Variants in NR5A2 observed in about 807,000 individuals in gnomAD.
The protein encoded by NR5A2 is nuclear receptor subfamily 5 group A member 2.
A neutral mutation model predicts 62.7 loss-of-function variants in NR5A2; 26 were observed. The ratio of observed to expected loss-of-function variants is 0.41; its 90% CI spans 0.30 to 0.58. The LOEUF is 0.58. NR5A2 is among the 20% of genes least tolerant of loss of function. The pLI is 0.22. For synonymous variants in NR5A2, 246 were observed against 241.7 expected (o/e 1.02, Z -0.16); for missense variants, 541 against 669.1 (o/e 0.81, Z 2.11).
rs1431508723 is a variant in NR5A2, at chr1:200,142,183, GACT to G, written c.1378+21229_1378+21231del. On this transcript the variant is annotated intron_variant, in intron 7 of 7. Transcript: ENST00000367362. Reference sequence around the variant, plus strand: ...TTGAATAATTGTTTTTTGTTTTAAAGACTTCTTTTTTTTTTTTTTTTTTTTTTT... The same window carrying G: ...TTGAATAATTGTTTTTTGTTTTAAAGTCTTTTTTTTTTTTTTTTTTTTTTT... Among the ~76,000 whole-genome samples the G allele has an allele frequency of 1.8e-3, 202 of 109,760 alleles. 1 individual carries two copies. Among genetic ancestry groups the G allele is most frequent in the African/African-American group, 5.4e-3 (171 of 31,380 alleles). 72.0% of individuals were successfully genotyped at this position (109,760 alleles called of 152,430 possible).
intron 7 of NR5A2, among the ~76,000 whole-genome samples, chr1:200,139,041 T>G (rs563367878): frequency 6.6e-6 from 1 of 152,336 alleles, no homozygotes; most frequent in South Asian, 2.1e-4. Flanking sequence ...TTCATGAACA[T>G]AGTTCATCTT....
At chr1:200,106,628 T>C (rs1233979109) in intron 5 of NR5A2, among the ~76,000 whole-genome samples, 1 of 152,204 alleles carries the variant, frequency 6.6e-6, no homozygotes, top group Non-Finnish European at 1.5e-5. Context: ...TCTTTGGTCT[T>C]CTTCCCAGAA....
At chr1:200,138,095 G>A (rs1571540945) in intron 7 of NR5A2, among the ~76,000 whole-genome samples, 1 of 152,016 alleles carries the variant, frequency 6.6e-6, no homozygotes, top group Non-Finnish European at 1.5e-5. Context: ...ATGGTATTTC[G>A]TTATATAATG....
chr1:200,108,479 A>C (rs1046155500), intron 5 of NR5A2, among the ~76,000 whole-genome samples: 1 of 152,128 alleles, frequency 6.6e-6, no homozygotes, highest in African/African-American at 2.4e-5. Context: ...GGGAATAATA[A>C]ATTTTCTTGT....
At position 200,039,568 on chromosome 1, in the gene NR5A2, T is replaced by C; in HGVS notation, c.65-90T>C. ...CAGCCCCGAGGAGGCGGAGGCACGC[T>C]CCGGCGAGGCGAGAGGGTTGGGTTA... On this transcript the variant is annotated intron_variant, in intron 1 of 7. Coordinates refer to ENST00000367362, the MANE Select transcript of NR5A2 (RefSeq NM_205860.3). This position sits in a 1 kb window ranked among gnomAD's most constrained non-coding sequence, Gnocchi z 5.1. The C allele has an allele frequency of 6.3e-7, 1 of 1,577,558 alleles. No homozygotes were observed. Among genetic ancestry groups the C allele is most frequent in the South Asian group, 1.1e-5 (1 of 88,544 alleles).
rs1477708339 is a variant in NR5A2 at position 200,177,104 on chromosome 1, T to C, written c.*2894T>C. The C allele has an allele frequency of 6.6e-6, 1 of 152,482 alleles. No homozygotes were observed. Among genetic ancestry groups the C allele is most frequent in the African/African-American group, 2.4e-5 (1 of 41,466 alleles). 9.4% of individuals were successfully genotyped at this position (152,482 alleles called of 1,614,324 possible). A position where few individuals can be genotyped will look rare whatever the true frequency, so the allele number is the denominator to read the frequency against. ...CCTGGCATTTACTTAGCAACTGCCTTATCAATTACAGGATTTGCCGGTAAA... is the reference window on the plus strand; with the variant it reads ...CCTGGCATTTACTTAGCAACTGCCTCATCAATTACAGGATTTGCCGGTAAA... On this transcript the variant is annotated 3_prime_UTR_variant, in exon 8 of 8. Coordinates refer to ENST00000367362, the MANE Select transcript of NR5A2 (RefSeq NM_205860.3).
chr1:200,095,552 A>C (rs1665048418), intron 5 of NR5A2, among the ~76,000 whole-genome samples: 1 of 151,840 alleles, frequency 6.6e-6, no homozygotes, highest in African/African-American at 2.4e-5. Flanking sequence ...ACCATCACCA[A>C]GTAATATATT....
In NR5A2 at chr1:200,147,572, TCTC is replaced by T. The variant is rs1018973141; in HGVS notation, c.1379-26387_1379-26385del. The T allele has an allele frequency of 5.7e-6, 4 of 705,328 alleles. No individual in the cohort carries two copies. Among genetic ancestry groups the T allele is most frequent in the South Asian group, 1.3e-5 (1 of 74,276 alleles). 43.7% of individuals were successfully genotyped at this position (705,328 alleles called of 1,614,324 possible). A position where few individuals can be genotyped will look rare whatever the true frequency, so the allele number is the denominator to read the frequency against. ...TTCTCCATTGGTGTGCTTAAAGCGA[TCTC>T]CTCTACACGAACGCTAGGGCAGAGC... is the stretch of plus-strand genomic sequence containing the variant. On this transcript the variant is annotated intron_variant, in intron 7 of 7. Coordinates refer to ENST00000367362, the MANE Select transcript of NR5A2 (RefSeq NM_205860.3). This position sits in a 1 kb window ranked among gnomAD's most constrained non-coding sequence, Gnocchi z 4.9.
At chr1:200,030,129 G>A (rs1225922495) in intron 1 of NR5A2, among the ~76,000 whole-genome samples, 2 of 152,202 alleles carry the variant, frequency 1.3e-5, no homozygotes, top group African/African-American at 2.4e-5. Flanking sequence ...GCTGTAGAGA[G>A]TGTCTGAGGG....
At chr1:200,069,985 T>C (rs796715837) in intron 5 of NR5A2, among the ~76,000 whole-genome samples, 5 of 152,286 alleles carry the variant, frequency 3.3e-5, no homozygotes, top group African/African-American at 1.2e-4. Flanking sequence ...AAGTTCAACA[T>C]AAATTTGGAA....
At chr1:200,093,322 T>G (rs755495571) in intron 5 of NR5A2, among the ~76,000 whole-genome samples, 8 of 152,178 alleles carry the variant, frequency 5.3e-5, no homozygotes, top group Non-Finnish European at 1.0e-4. Flanking sequence ...TATGTGGTCA[T>G]TTAATTGCAG....
intron 5 of NR5A2, among the ~76,000 whole-genome samples, chr1:200,088,157 G>A (rs1571451648): frequency 6.6e-6 from 1 of 152,122 alleles, no homozygotes; most frequent in South Asian, 2.1e-4. Flanking sequence ...CTCCCACATT[G>A]GTTTCCCAAA....
At chr1:200,076,594 A>T (rs1053579211) in intron 5 of NR5A2, among the ~76,000 whole-genome samples, 3 of 152,256 alleles carry the variant, frequency 2.0e-5, no homozygotes, top group East Asian at 3.9e-4. Flanking sequence ...AAAAGGAGTG[A>T]CTAATTTAGG....
At chr1:200,042,587 G>A (rs1404726899) in intron 2 of NR5A2, among the ~76,000 whole-genome samples, 6 of 152,198 alleles carry the variant, frequency 3.9e-5, no homozygotes, top group Admixed American at 2.0e-4. Flanking sequence ...AAACTCGGCT[G>A]CGTGTTTGTG....
rs542581409 is a variant in NR5A2, at chr1:200,120,745, G to C, written c.1231-63G>C. 9.7e-6 allele frequency: 14 copies of C among 1,448,412 alleles called. No individual in the cohort carries two copies. The African/African-American group carries it at 2.0e-4, about 21-fold the overall frequency. 89.7% of individuals were successfully genotyped at this position (1,448,412 alleles called of 1,614,324 possible). On this transcript the variant is annotated intron_variant, in intron 6 of 7. Transcript: ENST00000367362. ...ATCTGATTTTACCCATAGTTCTTAC[G>C]ACTCAGGTGAAATACATATTGCTGA...
intron 7 of NR5A2, among the ~76,000 whole-genome samples, chr1:200,137,332 T>C (rs1667268820): frequency 6.6e-6 from 1 of 150,640 alleles, no homozygotes; most frequent in Non-Finnish European, 1.5e-5. Flanking sequence ...TTTTTTTTTT[T>C]TTTTTATGTT....
At chr1:200,142,423 C>T (rs1458294546) in intron 7 of NR5A2, among the ~76,000 whole-genome samples, 1 of 151,842 alleles carries the variant, frequency 6.6e-6, no homozygotes, top group East Asian at 1.9e-4. Context: ...GTCTCGAACT[C>T]CTGACCTCGT....
chr1:200,043,702 C>T, intron 2 of NR5A2, 72 bp from the exon 3 acceptor site: 2 of 948,946 alleles, frequency 2.1e-6, no homozygotes, highest in Admixed American at 2.4e-5. Context: ...CACCAAAATG[C>T]TTTTTGTTGC....
At chr1:200,148,870 G>T (rs1571558680) in intron 7 of NR5A2, among the ~76,000 whole-genome samples, 1 of 143,416 alleles carries the variant, frequency 7.0e-6, no homozygotes, top group Non-Finnish European at 1.5e-5. Context: ...TCATCTTTTT[G>T]TCTCCAACTC....
Sources: gnomAD v4.1 joint callset for allele counts (sites outside exome capture counted in the v4.1 genomes callset) on GRCh38, gnomAD v4.1.1 for gene constraint, Gnocchi (gnomAD v3.1) non-coding constraint, MANE v1.5 for transcripts, NCBI Gene and HGNC (gene_info 2026-07-23, HGNC 2026-07-21) for gene names.